The following IMMP2L variants were observed in gnomAD, a reference collection of about 807,000 sequenced individuals.
IMMP2L encodes the protein mitochondrial inner membrane protease subunit 2.
IMMP2L carries 18 observed loss-of-function variants against 19.3 expected under a neutral mutation model. That is an observed-to-expected ratio of 0.93 (90% CI 0.64 to 1.38). The LOEUF is 1.38. Among genes scored for constraint, IMMP2L ranks in the 40% most tolerant of loss-of-function variants. The pLI, the probability that IMMP2L is intolerant of heterozygous loss-of-function variation, is 0.00. For synonymous variants in IMMP2L, 76 were observed against 73.0 expected (o/e 1.04, Z -0.21); for missense variants, 233 against 218.2 (o/e 1.07, Z -0.43).
intron 5 of IMMP2L, among the ~76,000 whole-genome samples, chr7:110,738,980 GAA>G (rs1161028163): frequency 2.0e-5 from 3 of 151,998 alleles, no homozygotes; most frequent in Non-Finnish European, 2.9e-5. Context: ...ATAAATGAAG[GAA>G]AGATAGTCTT....
chr7:110,764,274 T>C (rs77347563), intron 5 of IMMP2L, among the ~76,000 whole-genome samples: 3,359 of 152,236 alleles, frequency 0.022, 60 homozygotes, highest in Middle Eastern at 0.044. Flanking sequence ...AATCCTTTCT[T>C]GGGTGCAGTG....
chr7:111,122,642 T>C, intron 3 of IMMP2L: 1 of 705,892 alleles, frequency 1.4e-6, no homozygotes, highest in Admixed American at 2.9e-5. Flanking sequence ...GAAGAAAAAC[T>C]TTGTGGTTCT....
intron 5 of IMMP2L, among the ~76,000 whole-genome samples, chr7:110,771,419 C>G (rs995095406): frequency 1.3e-5 from 2 of 152,100 alleles, no homozygotes; most frequent in South Asian, 4.1e-4. Context: ...TGAAAAGGAC[C>G]TTGGCAGTGG....
At chr7:110,957,388 A>G (rs1157207612) in intron 4 of IMMP2L, among the ~76,000 whole-genome samples, 1 of 152,040 alleles carries the variant, frequency 6.6e-6, no homozygotes, top group Non-Finnish European at 1.5e-5. Context: ...GTCATAAACA[A>G]GGACACAACT....
chr7:110,966,640 T>C (rs569938649), intron 3 of IMMP2L, among the ~76,000 whole-genome samples: 1 of 152,160 alleles, frequency 6.6e-6, no homozygotes, highest in East Asian at 1.9e-4. Flanking sequence ...TACAAATTAC[T>C]ACTTCAAATA....
intron 4 of IMMP2L, among the ~76,000 whole-genome samples, chr7:110,899,645 C>T (rs1225419890): frequency 1.3e-5 from 2 of 152,124 alleles, no homozygotes; most frequent in Non-Finnish European, 2.9e-5. Context: ...GAATGTAGGG[C>T]AGTGAATTGT....
At chr7:111,474,763 A>T (rs1229249316) in intron 3 of IMMP2L, among the ~76,000 whole-genome samples, 1 of 152,056 alleles carries the variant, frequency 6.6e-6, no homozygotes, top group African/African-American at 2.4e-5. Flanking sequence ...CAATTAACAC[A>T]GTGTCATTGT....
Position 111,090,626 on chromosome 7 carries a change from A to C in IMMP2L, c.240-127061T>G, listed in dbSNP as rs1292452418. On this transcript the variant is annotated intron_variant, in intron 3 of 5. Transcript: ENST00000405709. ...GTCATTGCTAAAAAAAAAAAAAAAA[A>C]AGTGTTATTGAACACCAAGCACATA... is the stretch of plus-strand genomic sequence containing the variant. Among the ~76,000 whole-genome samples the C allele has an allele frequency of 2.0e-5, 3 of 152,080 alleles. No homozygotes were observed. In the East Asian group the frequency reaches 5.8e-4, roughly 29 times the overall value.
chr7:111,269,530 A>C (rs1410676712), intron 3 of IMMP2L, among the ~76,000 whole-genome samples: 1 of 152,186 alleles, frequency 6.6e-6, no homozygotes, highest in African/African-American at 2.4e-5. Flanking sequence ...ATTAAAAAAT[A>C]AAAAGACATA....
intron 2 of IMMP2L, among the ~76,000 whole-genome samples, chr7:111,518,388 G>A (rs970269879): frequency 2.6e-5 from 4 of 151,924 alleles, no homozygotes; most frequent in Admixed American, 6.6e-5. Flanking sequence ...TTAATCTTTC[G>A]ATCCTTGGAT....
intron 3 of IMMP2L, among the ~76,000 whole-genome samples, chr7:111,133,336 T>A (rs1802027548): frequency 6.6e-6 from 1 of 152,058 alleles, no homozygotes; most frequent in Non-Finnish European, 1.5e-5. Flanking sequence ...CATTCTCAGT[T>A]ACTGTAACGT....
chr7:110,882,683 C>G (rs1809812083), intron 5 of IMMP2L, among the ~76,000 whole-genome samples: 1 of 151,912 alleles, frequency 6.6e-6, no homozygotes, highest in African/African-American at 2.4e-5. Context: ...GCCCAGCTGT[C>G]AAGTGCTCTT....
At chr7:111,272,655 A>G (rs1818590219) in intron 3 of IMMP2L, among the ~76,000 whole-genome samples, 1 of 152,172 alleles carries the variant, frequency 6.6e-6, no homozygotes, top group Non-Finnish European at 1.5e-5. Flanking sequence ...AGAGGAGCAA[A>G]CAAAAGTAGA....
intron 4 of IMMP2L, among the ~76,000 whole-genome samples, chr7:110,910,876 G>A (rs948947328): frequency 6.6e-6 from 1 of 152,058 alleles, no homozygotes; most frequent in Non-Finnish European, 1.5e-5. Context: ...CAGCCATCGG[G>A]GAAGATATTG....
chr7:111,526,315 ATT>A (rs771857204), intron 1 of IMMP2L, among the ~76,000 whole-genome samples: 7 of 152,268 alleles, frequency 4.6e-5, no homozygotes, highest in East Asian at 1.9e-4. Context: ...GAATATTTAT[ATT>A]GTTTTAATTG....
intron 3 of IMMP2L, among the ~76,000 whole-genome samples, chr7:111,295,983 GTTA>G (rs1287236681): frequency 1.4e-3 from 93 of 68,702 alleles, no homozygotes; most frequent in African/African-American, 0.013. Flanking sequence ...TAGAAAGAAT[GTTA>G]AAAAAAAAAA....
rs138587934 is a variant in IMMP2L, at chr7:110,900,745, C to G, written c.306-14050G>C. On this transcript the variant is annotated intron_variant, in intron 4 of 5. Coordinates refer to ENST00000405709, the MANE Select transcript of IMMP2L (RefSeq NM_032549.4). The stretch of plus-strand genomic sequence containing the variant: ...GAGTAGTATCGCTGGCTTCCAGAAA[C>G]TAGAGCTGGTAGCATCCATTTTGCT... Among the ~76,000 whole-genome samples the G allele has an allele frequency of 2.6e-3, 396 of 152,292 alleles. 1 individual carries two copies. Among genetic ancestry groups the G allele is most frequent in the African/African-American group, 8.8e-3 (367 of 41,568 alleles).
chr7:111,127,955 A>G (rs1307142885), intron 3 of IMMP2L, among the ~76,000 whole-genome samples: 1 of 152,200 alleles, frequency 6.6e-6, no homozygotes, highest in African/African-American at 2.4e-5. Context: ...TATAATGTAT[A>G]TAATTGTCAG....
At chr7:110,950,689 G>T (rs1036361116) in intron 4 of IMMP2L, among the ~76,000 whole-genome samples, 2 of 151,218 alleles carry the variant, frequency 1.3e-5, no homozygotes, top group African/African-American at 2.4e-5. Flanking sequence ...GACAATGAGG[G>T]GTAGAATGAT....
Sources: gnomAD v4.1 joint callset for allele counts (sites outside exome capture counted in the v4.1 genomes callset) on GRCh38, gnomAD v4.1.1 for gene constraint, MANE v1.5 for transcripts, NCBI Gene and HGNC (gene_info 2026-07-23, HGNC 2026-07-21) for gene names.